FBLN5: variants seen among roughly 807,000 people sequenced by gnomAD.
FBLN5 encodes the protein fibulin 5.
Under a neutral mutation model 61.6 loss-of-function variants are expected in FBLN5, and 24 were observed. That is an observed-to-expected ratio of 0.39 (90% CI 0.28 to 0.55). The LOEUF is 0.55. Ranked by LOEUF, FBLN5 falls within the 20% of genes least tolerant of loss-of-function variation. The pLI is 0.65. For missense variants in FBLN5, 470 were observed against 594.1 expected (o/e 0.79, Z 2.17); for synonymous variants, 213 against 219.8 (o/e 0.97, Z 0.27).
At chr14:91,895,323 T>C (rs1476813292) in intron 4 of FBLN5, among the ~76,000 whole-genome samples, 1 of 152,208 alleles carries the variant, frequency 6.6e-6, no homozygotes, top group Admixed American at 6.5e-5. Context: ...TCCTCAGGAA[T>C]CCTTCTGCCA....
Position 91,870,002 on chromosome 14 carries a change from T to C in FBLN5, c.*222A>G. 1 of 579,740 alleles carries C rather than the reference T, an allele frequency of 1.7e-6. No homozygotes were observed. The highest frequency in any genetic ancestry group is 3.1e-6 in the Non-Finnish European group (1 of 320,896). 35.9% of individuals were successfully genotyped at this position (579,740 alleles called of 1,614,324 possible). On this transcript the variant is annotated 3_prime_UTR_variant, in exon 11 of 11. Transcript: ENST00000342058. ...TCTATCAGGGGAGCAATGATAATAC[T>C]TTTTGATAACTGTGTCATAGGAACT...
At chr14:91,933,472 T>C (rs111338131) in intron 4 of FBLN5, among the ~76,000 whole-genome samples, 1 of 152,110 alleles carries the variant, frequency 6.6e-6, no homozygotes, top group East Asian at 1.9e-4. Flanking sequence ...TTCATCATGT[T>C]GGCCAGGCTG....
At chr14:91,879,804 C>T (rs1236383893) in intron 9 of FBLN5, among the ~76,000 whole-genome samples, 1 of 152,226 alleles carries the variant, frequency 6.6e-6, no homozygotes, top group African/African-American at 2.4e-5. Context: ...CACTGGTAAG[C>T]CATGAATTCC....
chr14:91,937,361 T>C (rs1014304235), intron 3 of FBLN5, among the ~76,000 whole-genome samples, 160 bp from the exon 4 acceptor site: 1 of 152,040 alleles, frequency 6.6e-6, no homozygotes, highest in African/African-American at 2.4e-5. Flanking sequence ...TTGGCTGAAG[T>C]GTATCAAAGT....
chr14:91,912,859 C>T lies in FBLN5; in HGVS notation c.380-17787G>A, dbSNP rs560335481. Among the ~76,000 whole-genome samples, 17 of 149,526 alleles carry T rather than the reference C, an allele frequency of 1.1e-4. No homozygotes were observed. The South Asian group carries it at 2.3e-3, about 21-fold the overall frequency. ...TTAGGGGCTCAGGAAAAGACTGAGA[C>T]ACTTTTCTTCTTTAATATGCTAAAG... On this transcript the variant is annotated intron_variant, in intron 4 of 10. Transcript: ENST00000342058.
At chr14:91,911,803 G>GAAAA in intron 4 of FBLN5, among the ~76,000 whole-genome samples, 1 of 141,130 alleles carries the variant, frequency 7.1e-6, no homozygotes, top group Non-Finnish European at 1.5e-5. Context: ...GGAAAAGACG[G>GAAAA]AAAAAAAAAA....
chr14:91,921,929 G>A (rs1024854949), intron 4 of FBLN5, among the ~76,000 whole-genome samples: 4 of 152,160 alleles, frequency 2.6e-5, no homozygotes, highest in South Asian at 2.1e-4. Flanking sequence ...TAAAGCTGGC[G>A]GGCCCACATG....
intron 6 of FBLN5, among the ~76,000 whole-genome samples, chr14:91,888,970 T>C (rs568494306): frequency 6.6e-6 from 1 of 152,290 alleles, no homozygotes; most frequent in Non-Finnish European, 1.5e-5. Context: ...ATGTCAGTGT[T>C]TTCAGAGCTA....
At chr14:91,891,809 G>A (rs757233701) in intron 5 of FBLN5, among the ~76,000 whole-genome samples, 5 of 152,230 alleles carry the variant, frequency 3.3e-5, no homozygotes, top group South Asian at 4.2e-4. Flanking sequence ...TTCTTAACAC[G>A]TAAGAAGAAT....
Position 91,947,400 on chromosome 14 carries a change from TC to T in FBLN5, c.-172del, listed in dbSNP as rs140759267. Reference sequence around the variant, plus strand: ...GGACACGGGGAGAGCGCCGGGGTCCTCCCAGCCACTGCAGAGCCCTCAGCGC... The same window carrying T: ...GGACACGGGGAGAGCGCCGGGGTCCTCCAGCCACTGCAGAGCCCTCAGCGC... On this transcript the variant is annotated 5_prime_UTR_variant, in exon 1 of 11. Coordinates refer to ENST00000342058, the MANE Select transcript of FBLN5 (RefSeq NM_006329.4). The surrounding 1 kb of genome is among the most constrained non-coding windows in gnomAD (Gnocchi z 4.3). The T allele has an allele frequency of 0.018, 13,081 of 728,448 alleles. 460 individuals carry two copies. The highest frequency in any genetic ancestry group is 0.092 in the East Asian group (3,420 of 37,182). The allele number at this position is 728,448 out of a possible 1,614,324, so 45.1% of individuals were successfully genotyped here. A position where few individuals can be genotyped will look rare whatever the true frequency, so the allele number is the denominator to read the frequency against.
chr14:91,880,554 TGTGTGTG>T (rs1889387026), intron 9 of FBLN5, among the ~76,000 whole-genome samples: 1 of 151,930 alleles, frequency 6.6e-6, no homozygotes, highest in Non-Finnish European at 1.5e-5. Flanking sequence ...TGTGTGTGTG[TGTGTGTG>T]TTTTGAGACA....
In FBLN5 at chr14:91,899,097, C is replaced by T. The variant is rs150306724; in HGVS notation, c.380-4025G>A. On this transcript the variant is annotated intron_variant, in intron 4 of 10. Coordinates refer to ENST00000342058, the MANE Select transcript of FBLN5 (RefSeq NM_006329.4). ...GACTACAGGCATAAGCCACCGTGCCCGGCCCCCATTCATTCATTCTTTATG... is the reference window on the plus strand; with the variant it reads ...GACTACAGGCATAAGCCACCGTGCCTGGCCCCCATTCATTCATTCTTTATG... Among the ~76,000 whole-genome samples, 86 of 152,140 alleles carry T rather than the reference C, an allele frequency of 5.7e-4. 1 individual carries two copies. Among genetic ancestry groups the T allele is most frequent in the African/African-American group, 1.9e-3 (79 of 41,520 alleles).
chr14:91,892,723 G>A (rs765937318), intron 5 of FBLN5, among the ~76,000 whole-genome samples: 1 of 152,156 alleles, frequency 6.6e-6, no homozygotes, highest in Non-Finnish European at 1.5e-5. Context: ...CCTTCACTAC[G>A]GGTACCTTGG....
At chr14:91,888,190 C>T (rs1889816475) in intron 6 of FBLN5, among the ~76,000 whole-genome samples, 1 of 151,652 alleles carries the variant, frequency 6.6e-6, no homozygotes, top group East Asian at 1.9e-4. Context: ...TCCCAGCTAC[C>T]CGGGAGGCTG....
intron 4 of FBLN5, among the ~76,000 whole-genome samples, chr14:91,928,415 T>C (rs1402185764): frequency 6.6e-6 from 1 of 152,104 alleles, no homozygotes; most frequent in Non-Finnish European, 1.5e-5. Flanking sequence ...TTGCATAAAA[T>C]AAAACTCAGA....
chr14:91,917,321 G>A (rs1891235664), intron 4 of FBLN5, among the ~76,000 whole-genome samples: 2 of 152,178 alleles, frequency 1.3e-5, no homozygotes, highest in African/African-American at 2.4e-5. Context: ...GCTCACGCCT[G>A]TAATCCCAGC....
intron 5 of FBLN5, among the ~76,000 whole-genome samples, chr14:91,894,428 C>CAAAAAAAAAAAAAAAAAAAA (rs1491576623): frequency 1.4e-5 from 1 of 72,600 alleles, no homozygotes; most frequent in Non-Finnish European, 2.5e-5. Context: ...AAAAAAAAAA[C>CAAAAAAAAAAAAAAAAAAAA]CGAAAAAAAC....
At chr14:91,902,683 G>T (rs113857385) in intron 4 of FBLN5, among the ~76,000 whole-genome samples, 5 of 152,278 alleles carry the variant, frequency 3.3e-5, no homozygotes, top group African/African-American at 1.2e-4. Context: ...CCCACATGAG[G>T]CCAATGCTGC....
chr14:91,896,226 T>A (rs1890219412), intron 4 of FBLN5, among the ~76,000 whole-genome samples: 1 of 152,148 alleles, frequency 6.6e-6, no homozygotes, highest in Non-Finnish European at 1.5e-5. Context: ...TGCCACACTC[T>A]CACTTTGACC....
Sources: gnomAD v4.1 joint callset for allele counts (sites outside exome capture counted in the v4.1 genomes callset) on GRCh38, gnomAD v4.1.1 for gene constraint, Gnocchi (gnomAD v3.1) non-coding constraint, MANE v1.5 for transcripts, NCBI Gene and HGNC (gene_info 2026-07-23, HGNC 2026-07-21) for gene names.